Variants in HECW2 observed in about 807,000 individuals in gnomAD.
HECW2 encodes the protein HECT, C2 and WW domain containing E3 ubiquitin protein ligase 2.
Under a neutral mutation model 175.2 loss-of-function variants are expected in HECW2, and 61 were observed. The observed-to-expected ratio is 0.35, with a 90% confidence interval of 0.28 to 0.43. The LOEUF (loss-of-function observed/expected upper bound fraction) is 0.43. HECW2 is among the 20% of genes least tolerant of loss of function. The pLI, the probability that HECW2 is intolerant of heterozygous loss-of-function variation, is 1.00. For synonymous variants in HECW2, 671 were observed against 731.0 expected (o/e 0.92, Z 1.32); for missense variants, 1,524 against 2,000.5 (o/e 0.76, Z 4.54).
chr2:196,325,205 G>A, intron 5 of HECW2, 56 bp from the exon 6 acceptor site: 2 of 1,311,108 alleles, frequency 1.5e-6, no homozygotes, highest in South Asian at 1.5e-5. Flanking sequence ...GAGGGAGGGA[G>A]GAAAGAAAGG....
At chr2:196,415,175 G>A (rs1304266681) in intron 2 of HECW2, among the ~76,000 whole-genome samples, 2 of 152,176 alleles carry the variant, frequency 1.3e-5, no homozygotes, top group African/African-American at 2.4e-5. Flanking sequence ...CTATGTTCTG[G>A]TGAACCTGTT....
intron 1 of HECW2, among the ~76,000 whole-genome samples, chr2:196,451,004 A>G (rs1696329990): frequency 1.3e-5 from 2 of 152,188 alleles, no homozygotes; most frequent in South Asian, 4.1e-4. Context: ...TCTATTTCCC[A>G]TAAAATTTAG....
chr2:196,414,044 C>T (rs558975209), intron 2 of HECW2, among the ~76,000 whole-genome samples: 1 of 152,352 alleles, frequency 6.6e-6, no homozygotes, highest in South Asian at 2.1e-4. Flanking sequence ...ACCCCACCAA[C>T]ACAGTCATCA....
chr2:196,390,971 T>C (rs527630193), intron 2 of HECW2, among the ~76,000 whole-genome samples: 2 of 152,252 alleles, frequency 1.3e-5, no homozygotes, highest in South Asian at 2.1e-4. Flanking sequence ...TTATCTTCCA[T>C]GTGCCTCCCT....
chr2:196,362,033 C>G (rs1326405242), intron 2 of HECW2: 2 of 985,188 alleles, frequency 2.0e-6, no homozygotes, highest in Non-Finnish European at 2.4e-6. Flanking sequence ...TCCTGCTTCT[C>G]TTCCTCTTCC....
At chr2:196,378,040 C>CT (rs1694100332) in intron 2 of HECW2, among the ~76,000 whole-genome samples, 1 of 152,222 alleles carries the variant, frequency 6.6e-6, no homozygotes, top group Non-Finnish European at 1.5e-5. Flanking sequence ...ACGTATTACT[C>CT]TAAGAGTAGC....
chr2:196,335,277 G>C (rs183477265), intron 3 of HECW2, among the ~76,000 whole-genome samples: 81 of 152,164 alleles, frequency 5.3e-4, no homozygotes, highest in Non-Finnish European at 1.0e-3. Flanking sequence ...ATGGTTTTTG[G>C]AAAGTAACTA....
intron 1 of HECW2, among the ~76,000 whole-genome samples, chr2:196,584,962 T>A (rs1690921327): frequency 6.6e-6 from 1 of 152,210 alleles, no homozygotes; most frequent in Admixed American, 6.5e-5. Flanking sequence ...GTAGCCCATA[T>A]ACCAAATATT....
intron 1 of HECW2, among the ~76,000 whole-genome samples, chr2:196,538,799 G>C (rs1325953861): frequency 1.3e-5 from 2 of 152,180 alleles, no homozygotes; most frequent in Non-Finnish European, 2.9e-5. Context: ...AGAAAGGCCA[G>C]CTGGCAGGCT....
intron 2 of HECW2, chr2:196,362,182 A>C (rs1693608845): frequency 1.0e-6 from 1 of 985,330 alleles, no homozygotes; most frequent in Non-Finnish European, 1.2e-6. Flanking sequence ...CTAAGTGAAA[A>C]AATGTATCAC....
chr2:196,234,149 A>G (rs1214078973), intron 21 of HECW2, among the ~76,000 whole-genome samples: 2 of 152,216 alleles, frequency 1.3e-5, no homozygotes, highest in Admixed American at 6.5e-5. Context: ...AGGGTTGGCC[A>G]TGGAGAAAAA....
At chr2:196,288,083 TCTTTTATAATTCAAAGAAG>T (rs1052452328) in intron 14 of HECW2, 7 of 152,086 alleles carry the variant, frequency 4.6e-5, no homozygotes, top group Non-Finnish European at 7.4e-5. Flanking sequence ...AGGCACGCAT[TCTTTTATAATTCAAAGAAG>T]AGGCATTTAG....
At chr2:196,326,384 C>T (rs7561635) in intron 5 of HECW2, among the ~76,000 whole-genome samples, 148,815 of 152,220 alleles carry the variant, frequency 0.98, 72,819 homozygotes, top group Middle Eastern at 1. Flanking sequence ...TAATGACACA[C>T]ACCTGGCAGT....
chr2:196,235,092 A>G (rs2105861932), intron 21 of HECW2, among the ~76,000 whole-genome samples: 1 of 85,642 alleles, frequency 1.2e-5, no homozygotes, highest in East Asian at 2.9e-4. Context: ...CTCTAGGATT[A>G]TTTTTGTATT....
chr2:196,490,719 G>T (rs921922253), intron 1 of HECW2, among the ~76,000 whole-genome samples: 1 of 152,108 alleles, frequency 6.6e-6, no homozygotes, highest in Admixed American at 6.5e-5. Flanking sequence ...TCCATGAACT[G>T]GTGAATGATT....
chr2:196,516,265 T>C (rs1478763984), intron 1 of HECW2, among the ~76,000 whole-genome samples: 1 of 152,184 alleles, frequency 6.6e-6, no homozygotes, highest in African/African-American at 2.4e-5. Flanking sequence ...AAACTTTAAA[T>C]ACTAATACAG....
At chr2:196,381,109 C>T (rs1015367970) in intron 2 of HECW2, among the ~76,000 whole-genome samples, 7 of 152,100 alleles carry the variant, frequency 4.6e-5, no homozygotes, top group African/African-American at 7.2e-5. Context: ...AAACCCTACC[C>T]GGCTTCTCAG....
chr2:196,271,435 C>G, intron 16 of HECW2, 146 bp from the exon 17 acceptor site: 1 of 593,770 alleles, frequency 1.7e-6, no homozygotes, highest in Non-Finnish European at 3.0e-6. Flanking sequence ...AGGTGCCTGC[C>G]ACCATGCTCA....
At chr2:196,449,005 T>A (rs1050307811) in intron 1 of HECW2, among the ~76,000 whole-genome samples, 1 of 152,224 alleles carries the variant, frequency 6.6e-6, no homozygotes, top group Non-Finnish European at 1.5e-5. Flanking sequence ...TCAGGAATCC[T>A]ACAGTAAGTT....
Sources: allele counts gnomAD v4.1 joint callset (sites outside exome capture counted in the v4.1 genomes callset), GRCh38; gene constraint gnomAD v4.1.1; transcripts MANE v1.5; gene names NCBI Gene and HGNC (gene_info 2026-07-23, HGNC 2026-07-21).